Variants in CD86 observed in about 807,000 individuals in gnomAD.
The protein encoded by CD86 is CD86 molecule, also known as T-lymphocyte activation antigen CD86.
Under a neutral mutation model 32.1 loss-of-function variants are expected in CD86, and 11 were observed. The ratio of observed to expected loss-of-function variants is 0.34; its 90% CI spans 0.22 to 0.57. The LOEUF is 0.57. CD86 is among the 20% of genes least tolerant of loss of function. The probability of loss-of-function intolerance (pLI) is 0.86; values close to 1 mark genes in which losing one functional copy is unlikely to be tolerated. For missense variants in CD86, 359 were observed against 398.4 expected, an observed-to-expected ratio of 0.90 and a Z score of 0.84; for synonymous variants, 137 against 135.3, an observed-to-expected ratio of 1.01 and a Z score of -0.09.
intron 1 of CD86, among the ~76,000 whole-genome samples, chr3:122,056,822 T>C (rs2072245236): frequency 1.3e-5 from 2 of 152,198 alleles, no homozygotes; most frequent in African/African-American, 2.4e-5. Context: ...AAAAAGAATT[T>C]CAAAATTTAT....
intron 4 of CD86, among the ~76,000 whole-genome samples, chr3:122,108,004 A>C (rs1197391543): frequency 6.6e-6 from 1 of 152,170 alleles, no homozygotes; most frequent in African/African-American, 2.4e-5. Context: ...TCAATGTGTA[A>C]TTAGTTTGAT....
At chr3:122,091,818 A>T in intron 2 of CD86, 168 bp downstream of exon 2, 1 of 635,060 alleles carries the variant, frequency 1.6e-6, no homozygotes, top group Admixed American at 2.4e-5. Flanking sequence ...AAGTGTTATG[A>T]TTGAGAGCAG....
intron 1 of CD86, 79 bp downstream of exon 1, chr3:122,055,582 T>G: frequency 7.7e-7 from 1 of 1,296,928 alleles, no homozygotes; most frequent in Non-Finnish European, 1.1e-6. Flanking sequence ...AGATGGTGCT[T>G]TGATGTGTGT....
rs182490868 is a variant in CD86 at position 122,068,257 on chromosome 3, G to A, written c.14+12754G>A. On this transcript the variant is annotated intron_variant, in intron 1 of 6. Transcript: ENST00000330540. ...AATATTTTACATAAGGTGCTTTCAC[G>A]GACCTTCATGCTTCCCTAAATATTA... is the stretch of plus-strand genomic sequence containing the variant. 1.3e-4 allele frequency among the ~76,000 whole-genome samples: 19 copies of A among 151,766 alleles called. 1 individual carries two copies. The highest frequency in any genetic ancestry group is 7.7e-4 in the East Asian group (4 of 5,168).
intron 5 of CD86, among the ~76,000 whole-genome samples, chr3:122,110,976 A>G (rs1203815315): frequency 1.3e-5 from 2 of 152,222 alleles, no homozygotes; most frequent in African/African-American, 4.8e-5. Context: ...GCAATCAGAA[A>G]AAAATCAGGA....
At chr3:122,117,960 T>C in intron 5 of CD86, 88 bp from the exon 6 acceptor site, 1 of 1,054,442 alleles carries the variant, frequency 9.5e-7, no homozygotes, top group Non-Finnish European at 1.5e-6. Context: ...TCTCTCTCAG[T>C]CCCAGAACTT....
chr3:122,116,205 C>G (rs1246655491), intron 5 of CD86, among the ~76,000 whole-genome samples: 1 of 152,080 alleles, frequency 6.6e-6, no homozygotes, highest in Non-Finnish European at 1.5e-5. Flanking sequence ...AACGAAAAGT[C>G]AAACCACAGA....
intron 1 of CD86, among the ~76,000 whole-genome samples, chr3:122,086,905 C>T (rs368147321): frequency 8.1e-5 from 3 of 37,022 alleles, no homozygotes; most frequent in Admixed American, 3.7e-4. Flanking sequence ...CATTTTTAAA[C>T]GTGCTACACC....
At chr3:122,112,319 T>C (rs1484742272) in intron 5 of CD86, among the ~76,000 whole-genome samples, 1 of 152,112 alleles carries the variant, frequency 6.6e-6, no homozygotes, top group Non-Finnish European at 1.5e-5. Flanking sequence ...TTTTTAATTT[T>C]TTTTTTGTGT....
intron 1 of CD86, among the ~76,000 whole-genome samples, chr3:122,070,816 A>G (rs191898413): frequency 3.9e-4 from 59 of 152,352 alleles, no homozygotes; most frequent in Non-Finnish European, 6.9e-4. Flanking sequence ...AGGGTGCAAC[A>G]TAGGGAAGTG....
rs1339901833 is a variant in CD86, at chr3:122,110,687, G to A, written c.847+1279G>A. On this transcript the variant is annotated intron_variant, in intron 5 of 6. Coordinates refer to ENST00000330540, the MANE Select transcript of CD86 (RefSeq NM_175862.5). ...GCCATTCAAACTGCCAATGTATGGA[G>A]TGTGCTGCGAGATTTCTATGATATA... 2.6e-5 allele frequency among the ~76,000 whole-genome samples: 4 copies of A among 152,218 alleles called. No homozygotes were observed. In the East Asian group the frequency reaches 7.7e-4, roughly 29 times the overall value.
At position 122,109,363 on chromosome 3, in the gene CD86, T is replaced by C. The variant is rs760393817; in HGVS notation, c.802T>C (p.Trp268Arg). Reference protein sequence around the residue: ...ICVMVFCLILWKWKKKKRPRN... With the variant: ...ICVMVFCLILRKWKKKKRPRN... ...TGTGATGGTTTTCTGTCTAATTCTA[T>C]GGAAATGGAAGAAGAAGAAGCGGCC... Residue 268 changes from tryptophan (W) to arginine (R), a missense_variant, in exon 5 of 7, where the codon TGG becomes CGG. Transcript: ENST00000330540. The C allele has an allele frequency of 9.3e-6, 15 of 1,614,074 alleles. No individual in the cohort carries two copies. Among genetic ancestry groups the C allele is most frequent in the Non-Finnish European group, 1.2e-5 (14 of 1,179,976 alleles).
At chr3:122,059,235 G>T (rs1455424074) in intron 1 of CD86, among the ~76,000 whole-genome samples, 1 of 152,082 alleles carries the variant, frequency 6.6e-6, no homozygotes, top group Admixed American at 6.6e-5. Context: ...TCTCATTGTG[G>T]GTCAATTCAG....
intron 1 of CD86, among the ~76,000 whole-genome samples, chr3:122,067,995 C>T (rs1431004440): frequency 6.6e-6 from 1 of 152,080 alleles, no homozygotes; most frequent in East Asian, 1.9e-4. Flanking sequence ...TTTAAGTGTT[C>T]AGAGAAGTCT....
chr3:122,073,839 C>G (rs1405963862), intron 1 of CD86, among the ~76,000 whole-genome samples: 1 of 152,222 alleles, frequency 6.6e-6, no homozygotes, highest in Non-Finnish European at 1.5e-5. Context: ...GTCCATGAAT[C>G]CAAGTATATA....
At chr3:122,101,523 TATA>T (rs1458900157) in intron 2 of CD86, among the ~76,000 whole-genome samples, 13 of 93,064 alleles carry the variant, frequency 1.4e-4, no homozygotes, top group Admixed American at 1.2e-3. Context: ...AATATATATA[TATA>T]TATATATATA....
chr3:122,057,770 T>C (rs2072260627), intron 1 of CD86, among the ~76,000 whole-genome samples: 2 of 152,224 alleles, frequency 1.3e-5, no homozygotes, highest in Non-Finnish European at 2.9e-5. Context: ...ACTCTACCCA[T>C]AACTCATTAG....
intron 4 of CD86, among the ~76,000 whole-genome samples, chr3:122,108,167 A>G (rs1242965147): frequency 6.6e-6 from 1 of 152,224 alleles, no homozygotes; most frequent in East Asian, 1.9e-4. Context: ...AAACTTCAAC[A>G]GGTACCCCCA....
intron 5 of CD86, among the ~76,000 whole-genome samples, chr3:122,117,780 G>C (rs565067020): frequency 2.0e-5 from 3 of 152,102 alleles, no homozygotes; most frequent in Non-Finnish European, 4.4e-5. Context: ...GTATTTTTTG[G>C]TTAGCCAGGA....
Sources: gnomAD v4.1 joint callset for allele counts (sites outside exome capture counted in the v4.1 genomes callset) on GRCh38, gnomAD v4.1.1 for gene constraint, MANE v1.5 for transcripts, NCBI Gene and HGNC (gene_info 2026-07-23, HGNC 2026-07-21) for gene names.